Variants in SHISA6 observed in about 807,000 individuals in gnomAD.
The protein encoded by SHISA6 is shisa family member 6, also known as protein shisa-6.
Under a neutral mutation model 47.9 loss-of-function variants are expected in SHISA6, and 22 were observed. The ratio of observed to expected loss-of-function variants is 0.46; its 90% CI spans 0.33 to 0.66. SHISA6 has a LOEUF of 0.66. SHISA6 is among the 30% of genes least tolerant of loss of function. The pLI, the probability that SHISA6 is intolerant of heterozygous loss-of-function variation, is 0.02. For synonymous variants in SHISA6, 388 were observed against 337.8 expected (o/e 1.15, Z -1.63); for missense variants, 680 against 764.6 (o/e 0.89, Z 1.30).
chr17:11,510,099 G>A (rs2142353914), intron 3 of SHISA6, among the ~76,000 whole-genome samples: 1 of 151,998 alleles, frequency 6.6e-6, no homozygotes, highest in Non-Finnish European at 1.5e-5. Flanking sequence ...CCAGTAACTT[G>A]GTATTGTCCC....
chr17:11,557,842 G>T lies in SHISA6; in HGVS notation c.1194G>T (p.Gln398His). Residue 398 changes from glutamine to histidine, a missense_variant, in exon 6 of 6, where the codon CAG (glutamine) becomes CAT (histidine). By Grantham distance (24) the Gln-to-His change is conservative. This residue lies in a region of SHISA6 where 559 missense variants were observed against 674.1 expected (regional missense o/e 0.83). Coordinates refer to ENST00000441885, the MANE Select transcript of SHISA6 (RefSeq NM_207386.4). Reference sequence around the variant, plus strand: ...GCACCCTCCCCCTCAATGTCATCCAGATGTCCCAACAGAAGCCGTTGCCAA... The same window carrying T: ...GCACCCTCCCCCTCAATGTCATCCATATGTCCCAACAGAAGCCGTTGCCAA... The part of the protein sequence containing the change: ...ARGTLPLNVI[Q>H]MSQQKPLPRE... 6.4e-7 allele frequency: 1 copy of T among 1,551,392 alleles called. No individual in the cohort carries two copies. Among genetic ancestry groups the T allele is most frequent in the Non-Finnish European group, 8.7e-7 (1 of 1,146,998 alleles).
intron 3 of SHISA6, among the ~76,000 whole-genome samples, chr17:11,418,247 T>C (rs895643595): frequency 6.6e-6 from 1 of 152,162 alleles, no homozygotes; most frequent in African/African-American, 2.4e-5. Context: ...GGTATATCAT[T>C]TGTCCCATCT....
chr17:11,531,878 T>C (rs2071736576), intron 3 of SHISA6, among the ~76,000 whole-genome samples: 2 of 152,240 alleles, frequency 1.3e-5, no homozygotes, highest in Non-Finnish European at 2.9e-5. Flanking sequence ...TATGAGGTGA[T>C]GGATAGGTTA....
Position 11,477,239 on chromosome 17 carries a change from A to C in SHISA6, c.896-74657A>C, listed in dbSNP as rs966674860. ...AAAATCTCTGTCTGTTGATTGGTGCATTTAGACCATTGATGTACAAAGCAA... is the reference window on the plus strand; with the variant it reads ...AAAATCTCTGTCTGTTGATTGGTGCCTTTAGACCATTGATGTACAAAGCAA... On this transcript the variant is annotated intron_variant, in intron 3 of 5. Coordinates refer to ENST00000441885, the MANE Select transcript of SHISA6 (RefSeq NM_207386.4). 2.6e-5 allele frequency among the ~76,000 whole-genome samples: 4 copies of C among 152,126 alleles called. No individual in the cohort carries two copies. In the East Asian group the frequency reaches 5.8e-4, roughly 22 times the overall value.
chr17:11,464,808 G>C (rs1915770463), intron 3 of SHISA6, among the ~76,000 whole-genome samples: 1 of 152,046 alleles, frequency 6.6e-6, no homozygotes, highest in Non-Finnish European at 1.5e-5. Flanking sequence ...CGGGAGTGGT[G>C]GCGGGTGCCT....
intron 2 of SHISA6, among the ~76,000 whole-genome samples, chr17:11,345,081 C>A (rs996652097): frequency 6.6e-6 from 1 of 152,144 alleles, no homozygotes; most frequent in Admixed American, 6.5e-5. Context: ...ATCCTCCATT[C>A]TTATCCATGT....
intron 3 of SHISA6, among the ~76,000 whole-genome samples, chr17:11,384,855 A>G (rs955122219): frequency 3.3e-5 from 5 of 152,176 alleles, no homozygotes; most frequent in Non-Finnish European, 7.4e-5. Context: ...AGACCAAGGG[A>G]GAGAGAAAGA....
chr17:11,441,736 G>A (rs961982245), intron 3 of SHISA6, among the ~76,000 whole-genome samples: 2 of 152,174 alleles, frequency 1.3e-5, no homozygotes, highest in Non-Finnish European at 2.9e-5. Context: ...CCTGCATTAA[G>A]TTGAGGAATA....
chr17:11,335,060 G>T (rs528674993), intron 2 of SHISA6, among the ~76,000 whole-genome samples: 3 of 152,294 alleles, frequency 2.0e-5, no homozygotes, highest in African/African-American at 7.2e-5. Flanking sequence ...ACATCTTTTC[G>T]TAGGACACGT....
chr17:11,479,485 A>G (rs1916159022), intron 3 of SHISA6, among the ~76,000 whole-genome samples: 1 of 152,056 alleles, frequency 6.6e-6, no homozygotes, highest in Non-Finnish European at 1.5e-5. Context: ...GAGGAGGGAG[A>G]GCATTAGGAC....
chr17:11,336,414 C>T (rs945620286), intron 2 of SHISA6, among the ~76,000 whole-genome samples: 1 of 151,838 alleles, frequency 6.6e-6, no homozygotes, highest in Non-Finnish European at 1.5e-5. Flanking sequence ...AGAGGGTGGG[C>T]ATGCAGAGGT....
intron 3 of SHISA6, among the ~76,000 whole-genome samples, chr17:11,459,778 C>T (rs1308129434): frequency 6.6e-6 from 1 of 152,182 alleles, no homozygotes; most frequent in Non-Finnish European, 1.5e-5. Flanking sequence ...TGTATTCAGT[C>T]ACAGAACACA....
At chr17:11,378,217 G>GA (rs1309228549) in intron 2 of SHISA6, among the ~76,000 whole-genome samples, 7 of 152,226 alleles carry the variant, frequency 4.6e-5, no homozygotes, top group Admixed American at 3.3e-4. Context: ...TATTCATACG[G>GA]AAAAAACACT....
At chr17:11,503,796 C>A (rs1003746172) in intron 3 of SHISA6, among the ~76,000 whole-genome samples, 5 of 152,168 alleles carry the variant, frequency 3.3e-5, no homozygotes, top group Admixed American at 2.6e-4. Flanking sequence ...GGAATGTATA[C>A]CAGATGTAGC....
chr17:11,526,918 T>TAC, intron 3 of SHISA6, among the ~76,000 whole-genome samples: 27 of 24,142 alleles, frequency 1.1e-3, no homozygotes, highest in African/African-American at 5.1e-3. Flanking sequence ...TATATATATA[T>TAC]ATATATATAT....
At chr17:11,355,450 A>G (rs369540617) in intron 2 of SHISA6, among the ~76,000 whole-genome samples, 167 of 152,304 alleles carry the variant, frequency 1.1e-3, no homozygotes, top group African/African-American at 4.0e-3. Flanking sequence ...TACTTGGTTC[A>G]AGAGATTATG....
intron 3 of SHISA6, among the ~76,000 whole-genome samples, chr17:11,453,447 C>T (rs974872541): frequency 6.6e-6 from 1 of 152,106 alleles, no homozygotes; most frequent in Admixed American, 6.6e-5. Context: ...TACTGCCTAA[C>T]CCAACCTGCT....
chr17:11,408,240 T>TA (rs111742214), intron 3 of SHISA6, among the ~76,000 whole-genome samples: 1,643 of 152,010 alleles, frequency 0.011, 21 homozygotes, highest in African/African-American at 0.037. Context: ...AGAATGTAAT[T>TA]AAAAAAAAAT....
At chr17:11,482,445 T>C (rs1916245877) in intron 3 of SHISA6, among the ~76,000 whole-genome samples, 1 of 152,234 alleles carries the variant, frequency 6.6e-6, no homozygotes, top group Middle Eastern at 3.2e-3. Context: ...ATCATTTACT[T>C]TTCAAGGCAA....
Sources: allele counts gnomAD v4.1 joint callset (sites outside exome capture counted in the v4.1 genomes callset), GRCh38; gene constraint gnomAD v4.1.1; regional missense constraint gnomAD v4.1.1; transcripts MANE v1.5; gene names NCBI Gene and HGNC (gene_info 2026-07-23, HGNC 2026-07-21).